NLRC5: variants seen among roughly 807,000 people sequenced by gnomAD.
NLRC5 encodes NLR family CARD domain containing 5, also known as protein NLRC5.
In NLRC5, 114 loss-of-function variants were observed where a neutral mutation model predicts 206.9. The ratio of observed to expected loss-of-function variants is 0.55; its 90% CI spans 0.47 to 0.64. NLRC5 has a LOEUF of 0.64. NLRC5 is among the 30% of genes least tolerant of loss of function. The pLI is 0.00. For synonymous variants in NLRC5, 952 were observed against 962.8 expected, an observed-to-expected ratio of 0.99 and a Z score of 0.21; for missense variants, 2,008 against 2,305.5, an observed-to-expected ratio of 0.87 and a Z score of 2.64.
At chr16:57,078,085 G>GA (rs2145099218) in intron 43 of NLRC5, 65 bp downstream of exon 43, 2 of 1,371,836 alleles carry the variant, frequency 1.5e-6, no homozygotes, top group East Asian at 2.5e-5. Flanking sequence ...GAGCAGTGGG[G>GA]GGGTCCAGGC....
intron 20 of NLRC5, among the ~76,000 whole-genome samples, chr16:57,044,692 G>A (rs1270735285): frequency 1.3e-5 from 2 of 151,586 alleles, no homozygotes; most frequent in Admixed American, 1.3e-4. Context: ...ACAGGAGGAG[G>A]AGGATCACCT....
chr16:57,046,633 G>A lies in NLRC5; in HGVS notation c.3330G>A (p.Arg1110=). The change falls in exon 22 of 49, where the codon AGG becomes AGA. Residue 1110 remains arginine, a synonymous_variant. Coordinates refer to ENST00000688547, the MANE Select transcript of NLRC5 (RefSeq NM_001384950.1). The stretch of plus-strand genomic sequence containing the variant: ...GGTTCCGTCAGCGCTGCATCCCCAG[G>A]AGCCTCTGGTACTGTCCCAGCCCTT... ...FLGFRQRCIP[R]SLCLSECPLE... The A allele has an allele frequency of 6.2e-7, 1 of 1,613,922 alleles. No individual in the cohort carries two copies.
chr16:57,023,155 T>C (rs547783199), intron 4 of NLRC5, among the ~76,000 whole-genome samples: 1 of 152,340 alleles, frequency 6.6e-6, no homozygotes, highest in African/African-American at 2.4e-5. Flanking sequence ...AGGACCCTGC[T>C]TGACTTCTTA....
chr16:57,019,317 A>G (rs2060414366), intron 2 of NLRC5, among the ~76,000 whole-genome samples: 3 of 152,170 alleles, frequency 2.0e-5, no homozygotes, highest in African/African-American at 7.2e-5. Flanking sequence ...GAATCGCTTG[A>G]ACCCGGGAGG....
At chr16:57,063,100 T>C (rs1311000471) in intron 32 of NLRC5, among the ~76,000 whole-genome samples, 1 of 148,632 alleles carries the variant, frequency 6.7e-6, no homozygotes, top group Non-Finnish European at 1.5e-5. Flanking sequence ...TGTCAGACTT[T>C]CCTTCCTTTT....
intron 11 of NLRC5, among the ~76,000 whole-genome samples, chr16:57,032,962 C>T (rs2062053251): frequency 6.6e-6 from 1 of 151,900 alleles, no homozygotes; most frequent in Non-Finnish European, 1.5e-5. Flanking sequence ...AGAGCCACTG[C>T]ACTCCAGCTT....
At chr16:57,051,660 C>A (rs372922114) in intron 24 of NLRC5, 39 bp downstream of exon 24, 178 of 1,535,944 alleles carry the variant, frequency 1.2e-4, no homozygotes, top group Non-Finnish European at 1.5e-4. Flanking sequence ...GTTCCTTGTG[C>A]TCGTGTTTCT....
chr16:56,995,291 T>A (rs1275095662), intron 1 of NLRC5, among the ~76,000 whole-genome samples: 1 of 152,174 alleles, frequency 6.6e-6, no homozygotes, highest in East Asian at 1.9e-4. Context: ...CTATAGGTCA[T>A]GGCATTGCAG....
intron 15 of NLRC5, among the ~76,000 whole-genome samples, chr16:57,037,851 C>T (rs1167012039): frequency 1.3e-5 from 2 of 152,118 alleles, no homozygotes; most frequent in African/African-American, 4.8e-5. Flanking sequence ...AGTTCCCACT[C>T]GGAGGAAAGC....
chr16:57,009,000 A>G (rs1651663), intron 1 of NLRC5, among the ~76,000 whole-genome samples: 44,674 of 152,156 alleles, frequency 0.29, 6,802 homozygotes, highest in South Asian at 0.36. Context: ...ATTTAAAATT[A>G]TAAGAAAATA....
intron 1 of NLRC5, among the ~76,000 whole-genome samples, chr16:56,991,501 C>A (rs2056853240): frequency 6.6e-6 from 1 of 150,900 alleles, no homozygotes; most frequent in East Asian, 2.0e-4. Context: ...CCTGCCTCAG[C>A]CTCCCGAGTA....
At chr16:57,078,515 A>C (rs2068728087) in intron 43 of NLRC5, among the ~76,000 whole-genome samples, 1 of 130,960 alleles carries the variant, frequency 7.6e-6, no homozygotes, top group Non-Finnish European at 1.5e-5. Context: ...TCTGTCACCC[A>C]GGCTGGAGTG....
intron 27 of NLRC5, 139 bp from the exon 28 acceptor site, chr16:57,057,917 CTGGTGATGG>C (rs1452319273): frequency 1.6e-4 from 106 of 676,446 alleles, no homozygotes; most frequent in Non-Finnish European, 2.2e-4. Flanking sequence ...GGTGGTGATA[CTGGTGATGG>C]TGGTGATGGT....
At chr16:57,081,391 C>T (rs2069124557) in intron 47 of NLRC5, 136 bp from the exon 48 acceptor site, 1 of 948,898 alleles carries the variant, frequency 1.1e-6, no homozygotes, top group Admixed American at 2.0e-5. Context: ...CCCCTGTTGT[C>T]TTTTGGGTTC....
chr16:57,016,895 C>T (rs56816073), intron 1 of NLRC5, among the ~76,000 whole-genome samples, 179 bp from the exon 2 acceptor site: 27,901 of 152,086 alleles, frequency 0.18, 2,932 homozygotes, highest in Non-Finnish European at 0.24. Flanking sequence ...CCCAGGGACA[C>T]AAGGAGCTGC....
At position 57,081,090 on chromosome 16, in the gene NLRC5, C is replaced by T. The variant is rs866748516; in HGVS notation, c.5322-8C>T. 6.5e-7 allele frequency: 1 copy of T among 1,548,560 alleles called. No homozygotes were observed. The highest frequency in any genetic ancestry group is 8.7e-7 in the Non-Finnish European group (1 of 1,147,504). ...CCTGCCGCTGACTTTGGGACCCCTACCCTGCAGGCTGTCCTGGAATCTCCT... is the reference window on the plus strand; with the variant it reads ...CCTGCCGCTGACTTTGGGACCCCTATCCTGCAGGCTGTCCTGGAATCTCCT... On this transcript the variant is annotated splice_region_variant and splice_polypyrimidine_tract_variant and intron_variant, in intron 46 of 48. Transcript: ENST00000688547.
rs1329453689 is a variant in NLRC5 at position 57,047,631 on chromosome 16, A to G, written c.3422+3A>G. On this transcript the variant is annotated splice_donor_region_variant and intron_variant, in intron 23 of 48. Transcript: ENST00000688547. ...TGCCCGGGACCCCTGGAACTGCAGT[A>G]AGTAACGAGGACACAGCCCCAGAGG... The G allele has an allele frequency of 2.5e-6, 4 of 1,611,560 alleles. No homozygotes were observed. Among genetic ancestry groups the G allele is most frequent in the Non-Finnish European group, 2.5e-6 (3 of 1,178,838 alleles).
chr16:57,077,833 C>T (rs777042297), intron 42 of NLRC5, 31 bp downstream of exon 42: 5 of 1,588,502 alleles, frequency 3.1e-6, no homozygotes, highest in African/African-American at 1.3e-5. Context: ...CCTCTGCCCT[C>T]TGTGCCCCCC....
Position 57,079,078 on chromosome 16 carries a change from G to GGGGCCCTGAGCCTGGCCCAGGCC in NLRC5, c.5111_5133dup (p.Leu1712GlyfsTer3). 6.2e-7 allele frequency: 1 copy of GGGGCCCTGAGCCTGGCCCAGGCC among 1,614,138 alleles called. No individual in the cohort carries two copies. Among genetic ancestry groups the GGGGCCCTGAGCCTGGCCCAGGCC allele is most frequent in the Non-Finnish European group, 8.5e-7 (1 of 1,179,994 alleles). Reference sequence around the variant, plus strand: ...ACCATTCAGCCATCTGGGCCCAGGTGGGGCCCTGAGCCTGGCCCAGGCCCT... The same window carrying GGGGCCCTGAGCCTGGCCCAGGCC: ...ACCATTCAGCCATCTGGGCCCAGGTGGGGCCCTGAGCCTGGCCCAGGCCGGGCCCTGAGCCTGGCCCAGGCCCT... On this transcript the variant is annotated frameshift_variant, in exon 44 of 49. Coordinates refer to ENST00000688547, the MANE Select transcript of NLRC5 (RefSeq NM_001384950.1). LOFTEE classifies it high-confidence loss of function.
Sources: gnomAD v4.1 joint callset for allele counts (sites outside exome capture counted in the v4.1 genomes callset) on GRCh38, gnomAD v4.1.1 for gene constraint, MANE v1.5 for transcripts, NCBI Gene and HGNC (gene_info 2026-07-23, HGNC 2026-07-21) for gene names.